The following MAP3K10 variants were observed in gnomAD, a reference collection of about 807,000 sequenced individuals.
The protein encoded by MAP3K10 is mitogen-activated protein kinase kinase kinase 10, also known as MKN28 derived nonreceptor_type serine/threonine kinase.
In MAP3K10, 22 loss-of-function variants were observed where a neutral mutation model predicts 75.0. The observed-to-expected ratio is 0.29, with a 90% confidence interval of 0.21 to 0.42. The LOEUF is 0.42. MAP3K10 is among the 10% of genes least tolerant of loss of function. The pLI, the probability that MAP3K10 is intolerant of heterozygous loss-of-function variation, is 1.00. For missense variants in MAP3K10, 1,165 were observed against 1,379.8 expected, an observed-to-expected ratio of 0.84 and a Z score of 2.47; for synonymous variants, 599 against 612.9, an observed-to-expected ratio of 0.98 and a Z score of 0.34.
rs948526954 is a variant in MAP3K10, at chr19:40,212,965, A to G, written c.1713A>G (p.Gly571=). ...CCACCCTGCAGAAGGAGCGGGTGGGAGGAGAGGAGAGGTGAGGTGTGGTGT... is the reference window on the plus strand; with the variant it reads ...CCACCCTGCAGAAGGAGCGGGTGGGGGGAGAGGAGAGGTGAGGTGTGGTGT... ...PSSTLQKERV[G]GEERLKGLGE... The change falls in exon 7 of 10, where the codon GGA becomes GGG. Residue 571 remains glycine, a synonymous_variant. Transcript: ENST00000253055. This position sits in a 1 kb window ranked among gnomAD's most constrained non-coding sequence, Gnocchi z 4.2. 2.5e-6 allele frequency: 4 copies of G among 1,603,434 alleles called. No individual in the cohort carries two copies. The Middle Eastern group carries it at 5.0e-4, about 201-fold the overall frequency.
intron 6 of MAP3K10, 88 bp downstream of exon 6, chr19:40,209,307 G>T: frequency 1.1e-6 from 1 of 950,068 alleles, no homozygotes; most frequent in Non-Finnish European, 1.6e-6. Context: ...CCAAGCCAGA[G>T]TAACAGCAAG....
chr19:40,204,556 C>T lies in MAP3K10; in HGVS notation c.935C>T (p.Ala312Val), dbSNP rs1420224638. The change falls in exon 3 of 10, where the codon GCG becomes GTG. Residue 312 changes from alanine to valine, a missense_variant. Ala to Val is a moderately conservative substitution (Grantham distance 64). Transcript: ENST00000253055. The surrounding 1 kb of genome is among the most constrained non-coding windows in gnomAD (Gnocchi z 4.3). ...PYREIDALAV[A>V]YGVAMNKLTL... ...CGTGAGATCGACGCCTTGGCCGTGG[C>T]GTATGGCGTGGCTATGAATAAGCTG... is the stretch of plus-strand genomic sequence containing the variant. 5.0e-6 allele frequency: 8 copies of T among 1,613,860 alleles called. No individual in the cohort carries two copies. The highest frequency in any genetic ancestry group is 2.2e-5 in the East Asian group (1 of 44,884).
Position 40,213,802 on chromosome 19 carries a change from G to A in MAP3K10, c.2123G>A (p.Gly708Asp), listed in dbSNP as rs1478158502. Residue 708 changes from glycine to aspartate, a missense_variant, in exon 9 of 10, where the codon GGC becomes GAC. By Grantham distance (94) the Gly-to-Asp change is moderately conservative (BLOSUM62 -1). This residue lies in a region of MAP3K10 where 590 missense variants were observed against 586.6 expected (regional missense o/e 1.01). Coordinates refer to ENST00000253055, the MANE Select transcript of MAP3K10 (RefSeq NM_002446.4). The surrounding 1 kb of genome is among the most constrained non-coding windows in gnomAD (Gnocchi z 5.7). ...GAGGAGCAGCGGCGCTGGCTCGACG[G>A]CCTCTTCTTTCCCCGCGCCGGCCGC... ...DGEEQRRWLD[G>D]LFFPRAGRFP... 1 of 1,283,082 alleles carries A rather than the reference G, an allele frequency of 7.8e-7. No individual in the cohort carries two copies. Among genetic ancestry groups the A allele is most frequent in the Non-Finnish European group, 9.9e-7 (1 of 1,011,074 alleles). The allele number at this position is 1,283,082 out of a possible 1,614,324, so 79.5% of individuals were successfully genotyped here.
At chr19:40,203,203 G>A (rs982116753) in intron 2 of MAP3K10, among the ~76,000 whole-genome samples, 8 of 152,136 alleles carry the variant, frequency 5.3e-5, no homozygotes, top group Non-Finnish European at 1.0e-4. Flanking sequence ...AGCTGGGATG[G>A]TGGTGCACAT....
At position 40,209,144 on chromosome 19, in the gene MAP3K10, G is replaced by C; in HGVS notation, c.1477G>C (p.Asp493His). 6.2e-7 allele frequency: 1 copy of C among 1,614,216 alleles called. No individual in the cohort carries two copies. The highest frequency in any genetic ancestry group is 8.5e-7 in the Non-Finnish European group (1 of 1,180,036). ...KITVQASPTL[D>H]KRKGSDGASP... is the part of the protein sequence containing the mutation. ...CACAGTCCAGGCCTCTCCAACTCTG[G>C]ATAAGCGGAAAGGATCCGATGGGGC... The change falls in exon 6 of 10, where the codon GAT (aspartate) becomes CAT (histidine). Residue 493 changes from aspartate to histidine, a missense_variant. Physicochemically the swap from Asp to His is moderately conservative, Grantham distance 81. Transcript: ENST00000253055.
chr19:40,213,971 T>G lies in MAP3K10; in HGVS notation c.2292T>G (p.Ser764=). The change falls in exon 9 of 10, where the codon TCT becomes TCG. Residue 764 remains serine, a synonymous_variant. Transcript: ENST00000253055. This position sits in a 1 kb window ranked among gnomAD's most constrained non-coding sequence, Gnocchi z 5.7. ...DCNSTRSLLR[S]DSDEAAPAAP... ...ACTCCACGCGTTCACTGCTGCGCTC[T>G]GACAGTGACGAGGCCGCACCGGCCG... The G allele has an allele frequency of 6.5e-7, 1 of 1,535,328 alleles. No homozygotes were observed.
intron 1 of MAP3K10, among the ~76,000 whole-genome samples, chr19:40,193,221 C>T (rs953744127): frequency 3.9e-5 from 6 of 152,194 alleles, no homozygotes; most frequent in African/African-American, 1.4e-4. Context: ...ATTCCCTGCC[C>T]CCTCTCCCCA....
chr19:40,205,372 C>G lies in MAP3K10; in HGVS notation c.1188+76C>G. 2 of 1,486,490 alleles carry G rather than the reference C, an allele frequency of 1.3e-6. No homozygotes were observed. Among genetic ancestry groups the G allele is most frequent in the Admixed American group, 3.7e-5 (2 of 53,990 alleles). The allele number at this position is 1,486,490 out of a possible 1,614,324, so 92.1% of individuals were successfully genotyped here. On this transcript the variant is annotated intron_variant, in intron 4 of 9. Transcript: ENST00000253055. This position sits in a 1 kb window ranked among gnomAD's most constrained non-coding sequence, Gnocchi z 4.3. The stretch of plus-strand genomic sequence containing the variant: ...GATGCCTTGGGCTGCTCAGAGACTC[C>G]TCCCCTGAACCCCAGCCTTTGGGTC...
intron 5 of MAP3K10, 28 bp downstream of exon 5, chr19:40,206,185 C>T (rs1973118385): frequency 3.2e-6 from 5 of 1,557,522 alleles, no homozygotes; most frequent in Admixed American, 2.0e-5. Flanking sequence ...CAGAGCGCCC[C>T]CCAAGAGGCT....
chr19:40,205,369 C>G lies in MAP3K10; in HGVS notation c.1188+73C>G. 1 of 1,513,908 alleles carries G rather than the reference C, an allele frequency of 6.6e-7. No homozygotes were observed. Among genetic ancestry groups the G allele is most frequent in the Non-Finnish European group, 9.1e-7 (1 of 1,101,962 alleles). The allele number at this position is 1,513,908 out of a possible 1,614,324, so 93.8% of individuals were successfully genotyped here. A position where few individuals can be genotyped will look rare whatever the true frequency, so the allele number is the denominator to read the frequency against. On this transcript the variant is annotated intron_variant, in intron 4 of 9. Coordinates refer to ENST00000253055, the MANE Select transcript of MAP3K10 (RefSeq NM_002446.4). This position sits in a 1 kb window ranked among gnomAD's most constrained non-coding sequence, Gnocchi z 4.3. ...TCTGATGCCTTGGGCTGCTCAGAGA[C>G]TCCTCCCCTGAACCCCAGCCTTTGG...
chr19:40,201,180 T>G (rs555425995), intron 2 of MAP3K10, among the ~76,000 whole-genome samples: 24 of 150,752 alleles, frequency 1.6e-4, no homozygotes, highest in East Asian at 3.9e-4. Flanking sequence ...TTTTGTTTTT[T>G]TTTTTTTTTT....
rs777204752 is a variant in MAP3K10, at chr19:40,215,142, C to A, written c.2715C>A (p.Gly905=). 1.9e-6 allele frequency: 3 copies of A among 1,609,944 alleles called. No individual in the cohort carries two copies. The South Asian group carries it at 3.3e-5, about 18-fold the overall frequency. Residue 905 remains glycine (G), a synonymous_variant, in exon 10 of 10, where the codon GGC becomes GGA. Coordinates refer to ENST00000253055, the MANE Select transcript of MAP3K10 (RefSeq NM_002446.4). The part of the protein sequence containing the change: ...RLDPWKLVSF[G]RTLTISPPSR... Reference sequence around the variant, plus strand: ...ACCCCTGGAAACTGGTCTCCTTCGGCCGGACACTCACCATCTCGCCTCCCA... The same window carrying A: ...ACCCCTGGAAACTGGTCTCCTTCGGACGGACACTCACCATCTCGCCTCCCA...
chr19:40,208,345 C>CTTTTTTTT (rs747110243), intron 5 of MAP3K10, among the ~76,000 whole-genome samples: 568 of 55,814 alleles, frequency 0.01, 4 homozygotes, highest in Non-Finnish European at 0.013. Context: ...CTCTTTCTTT[C>CTTTTTTTT]TTTTTTTTTT....
chr19:40,213,877 A>G lies in MAP3K10; in HGVS notation c.2198A>G (p.Asp733Gly). 1 of 1,442,616 alleles carries G rather than the reference A, an allele frequency of 6.9e-7. No homozygotes were observed. 89.4% of individuals were successfully genotyped at this position (1,442,616 alleles called of 1,614,324 possible). ...PPARPHGRRE[D>G]VGPGLGLAPS... Reference sequence around the variant, plus strand: ...GCGCGTCCCCACGGCCGCCGCGAAGACGTGGGCCCCGGCCTGGGCCTGGCG... The same window carrying G: ...GCGCGTCCCCACGGCCGCCGCGAAGGCGTGGGCCCCGGCCTGGGCCTGGCG... Residue 733 changes from aspartate (D) to glycine (G), a missense_variant, in exon 9 of 10, where the codon GAC (aspartate) becomes GGC (glycine). Coordinates refer to ENST00000253055, the MANE Select transcript of MAP3K10 (RefSeq NM_002446.4). The surrounding 1 kb of genome is among the most constrained non-coding windows in gnomAD (Gnocchi z 5.7).
In MAP3K10 at chr19:40,214,023, G is replaced by T; in HGVS notation, c.2344G>T (p.Ala782Ser). 1 of 500,756 alleles carries T rather than the reference G, an allele frequency of 2.0e-6. No homozygotes were observed. Among genetic ancestry groups the T allele is most frequent in the African/African-American group, 3.2e-5 (1 of 31,016 alleles). The allele number at this position is 500,756 out of a possible 1,614,324, so 31.0% of individuals were successfully genotyped here. A position where few individuals can be genotyped will look rare whatever the true frequency, so the allele number is the denominator to read the frequency against. ...AAPSPPPSPP[A>S]PTPTPSPSTN... ...GCCCTCCCCACCACCCTCCCCGCCC[G>T]CGCCCACACCCACGCCCTCGCCCAG... The change falls in exon 9 of 10, where the codon GCG becomes TCG. Residue 782 changes from alanine (A) to serine (S), a missense_variant. Around this residue, in one of 2 missense-constraint regions of MAP3K10, gnomAD observed 590 missense variants for 586.6 expected, o/e 1.01. Coordinates refer to ENST00000253055, the MANE Select transcript of MAP3K10 (RefSeq NM_002446.4).
Position 40,198,805 on chromosome 19 carries a change from C to T in MAP3K10, c.863+250C>T, listed in dbSNP as rs1378894083. On this transcript the variant is annotated intron_variant, in intron 2 of 9. Coordinates refer to ENST00000253055, the MANE Select transcript of MAP3K10 (RefSeq NM_002446.4). This position sits in a 1 kb window ranked among gnomAD's most constrained non-coding sequence, Gnocchi z 4.3. ...AGACAAGGCCGGGCGCGGGGGCGCA[C>T]ACCTGTAATCCCAGCACTTTGGGAG... Among the ~76,000 whole-genome samples, 1 of 152,254 alleles carries T rather than the reference C, an allele frequency of 6.6e-6. No homozygotes were observed. Among genetic ancestry groups the T allele is most frequent in the South Asian group, 2.1e-4 (1 of 4,836 alleles).
chr19:40,198,717 C>G lies in MAP3K10; in HGVS notation c.863+162C>G, dbSNP rs777746693. ...ACCAGACAAGTGCCAGTTACCTGTTCAGCTAGCACAAATGGCAACTAGGGG... is the reference window on the plus strand; with the variant it reads ...ACCAGACAAGTGCCAGTTACCTGTTGAGCTAGCACAAATGGCAACTAGGGG... On this transcript the variant is annotated intron_variant, in intron 2 of 9. Coordinates refer to ENST00000253055, the MANE Select transcript of MAP3K10 (RefSeq NM_002446.4). The surrounding 1 kb of genome is among the most constrained non-coding windows in gnomAD (Gnocchi z 4.3). Among the ~76,000 whole-genome samples the G allele has an allele frequency of 1.1e-4, 17 of 152,200 alleles. No homozygotes were observed. The highest frequency in any genetic ancestry group is 4.4e-5 in the Non-Finnish European group (3 of 68,042).
Position 40,214,168 on chromosome 19 carries a change from C to T in MAP3K10, c.2489C>T (p.Ser830Leu), listed in dbSNP as rs1283771076. ...AVSRGHRRTPSDGALGQRGPP... is the reference protein window; with the variant it reads ...AVSRGHRRTPLDGALGQRGPP... ...AGCCGCGGGCACCGGCGGACGCCAT[C>T]GGACGGGGCGCTGGGGCAGCGGGGG... is the stretch of plus-strand genomic sequence containing the variant. The change falls in exon 9 of 10, where the codon TCG becomes TTG. Residue 830 changes from serine (S) to leucine (L), a missense_variant. Ser to Leu is a moderately radical substitution (Grantham distance 145). Transcript: ENST00000253055. 1.3e-6 allele frequency: 2 copies of T among 1,513,724 alleles called. No individual in the cohort carries two copies. Among genetic ancestry groups the T allele is most frequent in the African/African-American group, 1.4e-5 (1 of 70,402 alleles). The allele number at this position is 1,513,724 out of a possible 1,614,324, so 93.8% of individuals were successfully genotyped here.
chr19:40,205,779 G>A lies in MAP3K10; in HGVS notation c.1189-132G>A. ...GCTTGGCTAGCAAAGCATGAGTCGGGTGGTGAAACCAGTGTACCCCACAGC... is the reference window on the plus strand; with the variant it reads ...GCTTGGCTAGCAAAGCATGAGTCGGATGGTGAAACCAGTGTACCCCACAGC... On this transcript the variant is annotated intron_variant, in intron 4 of 9. Transcript: ENST00000253055. This position sits in a 1 kb window ranked among gnomAD's most constrained non-coding sequence, Gnocchi z 4.3. The A allele has an allele frequency of 5.1e-6, 5 of 977,888 alleles. No homozygotes were observed. The highest frequency in any genetic ancestry group is 3.9e-5 in the South Asian group (2 of 51,188). The allele number at this position is 977,888 out of a possible 1,614,324, so 60.6% of individuals were successfully genotyped here. A position where few individuals can be genotyped will look rare whatever the true frequency, so the allele number is the denominator to read the frequency against.
Sources: gnomAD v4.1 joint callset for allele counts (sites outside exome capture counted in the v4.1 genomes callset) on GRCh38, gnomAD v4.1.1 for gene constraint, gnomAD v4.1.1 regional missense constraint, Gnocchi (gnomAD v3.1) non-coding constraint, MANE v1.5 for transcripts, NCBI Gene and HGNC (gene_info 2026-07-23, HGNC 2026-07-21) for gene names.